SYNE1: variants seen among roughly 807,000 people sequenced by gnomAD.
The protein encoded by SYNE1 is spectrin repeat containing nuclear envelope protein 1.
In SYNE1, 616 loss-of-function variants were observed where a neutral mutation model predicts 1,111.0. The observed-to-expected ratio is 0.55, with a 90% CI of 0.52 to 0.59. The LOEUF is 0.59. Among genes scored for constraint, SYNE1 ranks in the 20% least tolerant of loss-of-function variants. SYNE1 has a pLI of 0.00. For synonymous variants in SYNE1, 3,855 were observed against 3,825.8 expected, an observed-to-expected ratio of 1.01 and a Z score of -0.28; for missense variants, 10,006 against 10,417.0, an observed-to-expected ratio of 0.96 and a Z score of 1.72.
chr6:152,557,383 A>G lies in SYNE1; in HGVS notation c.68-17362T>C, dbSNP rs185801184. On this transcript the variant is annotated intron_variant, in intron 3 of 145. Coordinates refer to ENST00000367255, the MANE Select transcript of SYNE1 (RefSeq NM_182961.4). Reference sequence around the variant, plus strand: ...TCAGAGGAAGCAGAGATGGAGAAAGAAGAAGAAAGCTTGTTTAAAAAAAAT... The same window carrying G: ...TCAGAGGAAGCAGAGATGGAGAAAGGAGAAGAAAGCTTGTTTAAAAAAAAT... Among the ~76,000 whole-genome samples the G allele has an allele frequency of 2.0e-5, 3 of 152,250 alleles. No individual in the cohort carries two copies. The East Asian group carries it at 5.8e-4, about 29-fold the overall frequency.
intron 133 of SYNE1, among the ~76,000 whole-genome samples, chr6:152,154,455 C>T (rs1051685686): frequency 4.4e-5 from 6 of 136,620 alleles, no homozygotes; most frequent in Non-Finnish European, 8.0e-5. Flanking sequence ...TACACACACA[C>T]ACACACACAC....
intron 4 of SYNE1, among the ~76,000 whole-genome samples, chr6:152,530,622 A>G (rs1564667778): frequency 7.1e-6 from 1 of 140,252 alleles, no homozygotes; most frequent in East Asian, 2.3e-4. Context: ...AGTGTGATGA[A>G]ATTTTTTTTT....
At chr6:152,316,255 G>C (rs2095715777) in intron 87 of SYNE1, 1 of 158,600 alleles carries the variant, frequency 6.3e-6, no homozygotes, top group Non-Finnish European at 1.4e-5. Flanking sequence ...GACAGGCCTG[G>C]GTGAGGGCTG....
At chr6:152,497,833 C>T (rs1410918162) in intron 11 of SYNE1, among the ~76,000 whole-genome samples, 1 of 152,158 alleles carries the variant, frequency 6.6e-6, no homozygotes, top group Non-Finnish European at 1.5e-5. Flanking sequence ...ATAACTTTCA[C>T]ACACATTCAG....
At position 152,311,911 on chromosome 6, in the gene SYNE1, G is replaced by A. The variant is rs142348708; in HGVS notation, c.16711-1038C>T. 4.0e-3 allele frequency among the ~76,000 whole-genome samples: 602 copies of A among 152,254 alleles called. 4 individuals carry two copies. Among genetic ancestry groups the A allele is most frequent in the African/African-American group, 0.013 (553 of 41,572 alleles). ...CTGCCTCAGCCCCCCGAGCAGCTGG[G>A]ACTACACGCACCCAGGTGCCCGCCA... On this transcript the variant is annotated intron_variant, in intron 87 of 145. Transcript: ENST00000367255.
intron 3 of SYNE1, among the ~76,000 whole-genome samples, chr6:152,586,224 T>G (rs1247785986): frequency 1.3e-5 from 2 of 152,202 alleles, no homozygotes; most frequent in Non-Finnish European, 2.9e-5. Flanking sequence ...ATATAATTAT[T>G]TCTAACAATT....
chr6:152,372,903 G>A lies in SYNE1; in HGVS notation c.9507+134C>T, dbSNP rs898563213. On this transcript the variant is annotated intron_variant, in intron 59 of 145. Transcript: ENST00000367255. ...GGCTATTCCTTACTGTTAGCCCATT[G>A]TCTTCTTATGTTCTGAGAGGGGTAA... 1.3e-5 allele frequency: 12 copies of A among 935,708 alleles called. No individual in the cohort carries two copies. In the Admixed American group the frequency reaches 1.9e-4, roughly 15 times the overall value. The allele number at this position is 935,708 out of a possible 1,614,324, so 58.0% of individuals were successfully genotyped here.
chr6:152,353,193 T>C (rs553658259), intron 69 of SYNE1, 70 bp downstream of exon 69: 1 of 1,561,822 alleles, frequency 6.4e-7, no homozygotes, highest in African/African-American at 1.4e-5. Flanking sequence ...GTTTCCAGTA[T>C]CTATGCAGGA....
In SYNE1 at chr6:152,364,764, G is replaced by A. The variant is rs553061273; in HGVS notation, c.10145+83C>T. ...AAGGAAAGGGAAGGGAAGGGAAGCC[G>A]GCCACAGGAATGGTCTGTTCAGTAG... On this transcript the variant is annotated intron_variant, in intron 63 of 145. Transcript: ENST00000367255. 218 of 1,558,398 alleles carry A rather than the reference G, an allele frequency of 1.4e-4. No individual in the cohort carries two copies. In the African/African-American group the frequency reaches 2.3e-3, roughly 16 times the overall value.
At position 152,373,167 on chromosome 6, in the gene SYNE1, G is replaced by A; in HGVS notation, c.9377C>T (p.Ser3126Phe). Residue 3126 changes from serine to phenylalanine, a missense_variant, in exon 59 of 146, where the codon TCT (serine) becomes TTT (phenylalanine). Coordinates refer to ENST00000367255, the MANE Select transcript of SYNE1 (RefSeq NM_182961.4). ...NGQHKLNMML[S>F]KGELLSTLLT... ...CAGGGTACTCAGAAGTTCCCCTTTA[G>A]ACAGCATCATGTTTAGCTTGTGCTG... The A allele has an allele frequency of 6.2e-7, 1 of 1,613,978 alleles. No individual in the cohort carries two copies. Among genetic ancestry groups the A allele is most frequent in the Non-Finnish European group, 8.5e-7 (1 of 1,180,014 alleles).
chr6:152,617,471 T>C (rs2099660006), intron 3 of SYNE1, among the ~76,000 whole-genome samples: 1 of 152,238 alleles, frequency 6.6e-6, no homozygotes, highest in Admixed American at 6.5e-5. Flanking sequence ...GTCTGTAAGT[T>C]ACGTTTACAT....
Position 152,573,322 on chromosome 6 carries a change from TCC to T in SYNE1, c.68-33303_68-33302del, listed in dbSNP as rs147968366. On this transcript the variant is annotated intron_variant, in intron 3 of 145. Transcript: ENST00000367255. Reference sequence around the variant, plus strand: ...GCATTAGGTATATCTCCTAATGCTATCCCCCCCCCTCCCCCCACCCCACAACA... The same window carrying T: ...GCATTAGGTATATCTCCTAATGCTATCCCCCCCTCCCCCCACCCCACAACA... Among the ~76,000 whole-genome samples the T allele has an allele frequency of 1.7e-3, 203 of 121,838 alleles. 3 individuals carry two copies. Among genetic ancestry groups the T allele is most frequent in the African/African-American group, 5.6e-3 (163 of 29,016 alleles). 79.9% of individuals were successfully genotyped at this position (121,838 alleles called of 152,430 possible).
In SYNE1 at chr6:152,416,629, A is replaced by G. The variant is rs747981811; in HGVS notation, c.5808T>C (p.His1936=). The part of the protein sequence containing the change: ...LDGILSKAQY[H]LKIGSSEQRT... ...TTTGCTCAGAGCTCCCGATTTTCAG[A>G]TGGTATTGGGCTTTGGAAAGAATGC... The change falls in exon 41 of 146, where the codon CAT becomes CAC. Residue 1936 remains histidine, a synonymous_variant. Coordinates refer to ENST00000367255, the MANE Select transcript of SYNE1 (RefSeq NM_182961.4). The G allele has an allele frequency of 3.7e-6, 6 of 1,614,006 alleles. No individual in the cohort carries two copies. The highest frequency in any genetic ancestry group is 5.1e-6 in the Non-Finnish European group (6 of 1,180,032).
chr6:152,163,989 T>C (rs954472977), intron 131 of SYNE1, among the ~76,000 whole-genome samples, 174 bp downstream of exon 131: 5 of 152,190 alleles, frequency 3.3e-5, no homozygotes, highest in African/African-American at 1.2e-4. Context: ...TGCAGTGACA[T>C]GGAACCTGTT....
At chr6:152,605,035 AGGGAGGGAGG>A (rs1160082635) in intron 3 of SYNE1, among the ~76,000 whole-genome samples, 17 of 28,118 alleles carry the variant, frequency 6.0e-4, no homozygotes, top group Non-Finnish European at 8.9e-4. Context: ...AGAGAGAGAG[AGGGAGGGAGG>A]GAGGGAGGGA....
chr6:152,483,559 T>A (rs2154295061), intron 13 of SYNE1, among the ~76,000 whole-genome samples: 1 of 152,268 alleles, frequency 6.6e-6, no homozygotes, highest in African/African-American at 2.4e-5. Context: ...TCAGTGTGGC[T>A]TTTGCTGAAA....
intron 53 of SYNE1, among the ~76,000 whole-genome samples, chr6:152,388,325 G>T (rs548453907): frequency 8.6e-5 from 13 of 150,730 alleles, no homozygotes; most frequent in Non-Finnish European, 1.8e-4. Context: ...ATAGCTCATT[G>T]CAATCTCTGT....
intron 115 of SYNE1, among the ~76,000 whole-genome samples, chr6:152,228,668 T>C (rs1190370357): frequency 6.6e-6 from 1 of 152,232 alleles, no homozygotes; most frequent in Non-Finnish European, 1.5e-5. Context: ...GGTCCTCACT[T>C]TGCTAATTCT....
chr6:152,424,425 T>C (rs2098319472), intron 39 of SYNE1, among the ~76,000 whole-genome samples: 1 of 152,244 alleles, frequency 6.6e-6, no homozygotes, highest in Non-Finnish European at 1.5e-5. Flanking sequence ...TGCTTTGTTT[T>C]ACAGAAAATT....
Sources: allele counts gnomAD v4.1 joint callset (sites outside exome capture counted in the v4.1 genomes callset), GRCh38; gene constraint gnomAD v4.1.1; transcripts MANE v1.5; gene names NCBI Gene and HGNC (gene_info 2026-07-23, HGNC 2026-07-21).